The following TLE1 variants were observed in gnomAD, a reference collection of about 807,000 sequenced individuals.
TLE1 encodes the protein TLE family member 1, transcriptional corepressor.
In TLE1, 21 loss-of-function variants were observed where a neutral mutation model predicts 89.8. The observed-to-expected ratio is 0.23, with a 90% CI of 0.17 to 0.34. TLE1 has a LOEUF of 0.34. TLE1 is among the 10% of genes least tolerant of loss of function. The probability of loss-of-function intolerance (pLI) is 1.00; values close to 1 mark genes in which losing one functional copy is unlikely to be tolerated. For synonymous variants in TLE1, 447 were observed against 407.6 expected, an observed-to-expected ratio of 1.10 and a Z score of -1.16; for missense variants, 795 against 1,031.2, an observed-to-expected ratio of 0.77 and a Z score of 3.14.
chr9:81,670,140 G>A (rs978232971), intron 4 of TLE1, among the ~76,000 whole-genome samples: 2 of 152,124 alleles, frequency 1.3e-5, no homozygotes, highest in Non-Finnish European at 2.9e-5. Flanking sequence ...TGCTAGAATT[G>A]TAACAGCCAA....
intron 15 of TLE1, among the ~76,000 whole-genome samples, chr9:81,591,472 T>G (rs1295252528): frequency 2.0e-5 from 3 of 152,222 alleles, no homozygotes; most frequent in Non-Finnish European, 4.4e-5. Flanking sequence ...TCAGAAGGAT[T>G]CTTGCTAAGA....
intron 1 of TLE1, 76 bp downstream of exon 1, chr9:81,688,141 A>G: frequency 3.2e-6 from 5 of 1,572,434 alleles, no homozygotes; most frequent in Admixed American, 1.7e-5. Context: ...CTCAGAAGCC[A>G]CCAGTCTCCC....
intron 6 of TLE1, among the ~76,000 whole-genome samples, chr9:81,651,085 C>A (rs1230720524): frequency 6.6e-6 from 1 of 152,078 alleles, no homozygotes; most frequent in Non-Finnish European, 1.5e-5. Flanking sequence ...TGTCTGTGGC[C>A]GTCATTGGAC....
chr9:81,590,024 A>G (rs1244380418), intron 16 of TLE1, among the ~76,000 whole-genome samples: 1 of 152,214 alleles, frequency 6.6e-6, no homozygotes, highest in Non-Finnish European at 1.5e-5. Context: ...GGGACTTACC[A>G]AACAAGCCAC....
At chr9:81,684,456 C>T (rs1266376576) in intron 4 of TLE1, among the ~76,000 whole-genome samples, 4 of 152,102 alleles carry the variant, frequency 2.6e-5, no homozygotes, top group African/African-American at 9.7e-5. Context: ...CTAATGTACA[C>T]GATAACTTAA....
rs149577837 is a variant in TLE1 at position 81,617,985 on chromosome 9, A to G, written c.712-1286T>C. Among the ~76,000 whole-genome samples the G allele has an allele frequency of 8.5e-3, 1,297 of 152,228 alleles. 6 individuals are homozygous for G. The highest frequency in any genetic ancestry group is 0.017 in the Middle Eastern group (5 of 294). On this transcript the variant is annotated intron_variant, in intron 9 of 19. Coordinates refer to ENST00000376499, the MANE Select transcript of TLE1 (RefSeq NM_005077.5). ...GGTTGCAGTGAGCCGAGATTGTGCC[A>G]TTGCACTCCAGCCTGAGTGACAAAA...
intron 18 of TLE1, among the ~76,000 whole-genome samples, 187 bp downstream of exon 18, chr9:81,585,318 T>G (rs1438329519): frequency 1.3e-5 from 2 of 152,188 alleles, no homozygotes; most frequent in African/African-American, 4.8e-5. Context: ...CTGACTTTTC[T>G]CAAATTAGCA....
rs1396532765 is a variant in TLE1 at position 81,688,147 on chromosome 9, C to CT, written c.24+69dup. 9.5e-6 allele frequency: 15 copies of CT among 1,584,576 alleles called. No homozygotes were observed. The East Asian group carries it at 3.5e-4, about 37-fold the overall frequency. The stretch of plus-strand genomic sequence containing the variant: ...CCGCCGGGCCTCAGAAGCCACCAGT[C>CT]TCCCTACCGCCCGGGAGAAGCGCCT... On this transcript the variant is annotated intron_variant, in intron 1 of 19. Transcript: ENST00000376499.
At chr9:81,683,927 G>A (rs1018499979) in intron 4 of TLE1, among the ~76,000 whole-genome samples, 3 of 151,938 alleles carry the variant, frequency 2.0e-5, no homozygotes, top group East Asian at 1.9e-4. Context: ...AGGTCATCCC[G>A]CCACATAACC....
chr9:81,616,274 T>C, intron 10 of TLE1, 140 bp from the exon 11 acceptor site: 3 of 1,033,538 alleles, frequency 2.9e-6, no homozygotes, highest in Non-Finnish European at 2.8e-6. Flanking sequence ...AACACCATGT[T>C]ATAAATGAGC....
At chr9:81,652,103 A>G in intron 6 of TLE1, 111 bp downstream of exon 6, 1 of 1,081,114 alleles carries the variant, frequency 9.2e-7, no homozygotes, top group Non-Finnish European at 1.3e-6. Context: ...GTCAACGTTA[A>G]GATACACACA....
chr9:81,679,018 C>G (rs1833256097), intron 4 of TLE1, among the ~76,000 whole-genome samples: 2 of 152,114 alleles, frequency 1.3e-5, no homozygotes, highest in African/African-American at 2.4e-5. Flanking sequence ...CGTGGTGATG[C>G]ACGCCTGTAA....
At chr9:81,643,988 T>C (rs557644913) in intron 6 of TLE1, among the ~76,000 whole-genome samples, 48 of 152,254 alleles carry the variant, frequency 3.2e-4, no homozygotes, top group African/African-American at 4.6e-4. Flanking sequence ...CAGGTTTTGA[T>C]TGAAAAGATG....
chr9:81,613,954 C>T (rs528354851), intron 11 of TLE1, among the ~76,000 whole-genome samples: 4 of 139,280 alleles, frequency 2.9e-5, no homozygotes, highest in African/African-American at 1.1e-4. Flanking sequence ...GTCACCCAAG[C>T]TGGAGTGCAG....
chr9:81,672,338 A>ATTATTG (rs1832328688), intron 4 of TLE1, among the ~76,000 whole-genome samples: 1 of 151,524 alleles, frequency 6.6e-6, no homozygotes, highest in South Asian at 2.1e-4. Flanking sequence ...TATTATTATT[A>ATTATTG]TTATTATTAT....
intron 11 of TLE1, 118 bp downstream of exon 11, chr9:81,615,864 C>T: frequency 1.5e-6 from 2 of 1,310,018 alleles, no homozygotes; most frequent in Non-Finnish European, 2.1e-6. Context: ...CACTATTAAA[C>T]TCTTAAAAAT....
intron 8 of TLE1, among the ~76,000 whole-genome samples, chr9:81,631,818 T>C (rs1826651485): frequency 6.6e-6 from 1 of 152,226 alleles, no homozygotes; most frequent in Admixed American, 6.5e-5. Flanking sequence ...AAGATGACTA[T>C]CTCACCGGGC....
intron 14 of TLE1, among the ~76,000 whole-genome samples, chr9:81,599,257 C>G (rs1830604846): frequency 6.6e-6 from 1 of 152,144 alleles, no homozygotes; most frequent in African/African-American, 2.4e-5. Flanking sequence ...ATAACCACGG[C>G]TAGTAAGCGG....
In TLE1 at chr9:81,687,420, A is replaced by G. The variant is rs1276899181; in HGVS notation, c.39T>C (p.Ala13=). 1.2e-6 allele frequency: 2 copies of G among 1,610,498 alleles called. No individual in the cohort carries two copies. The highest frequency in any genetic ancestry group is 1.7e-6 in the Non-Finnish European group (2 of 1,178,916). The stretch of plus-strand genomic sequence containing the variant: ...TAGTGAACTTGAAGGGCTGGCCTGC[A>G]GCCTGGTGCGGCGTCTGGGGGCGAC... The part of the protein sequence containing the change: ...PQSRHPTPHQ[A]AGQPFKFTIP... Residue 13 remains alanine (A), a synonymous_variant, in exon 2 of 20, where the codon GCT becomes GCC. Coordinates refer to ENST00000376499, the MANE Select transcript of TLE1 (RefSeq NM_005077.5).
Sources: allele counts gnomAD v4.1 joint callset (sites outside exome capture counted in the v4.1 genomes callset), GRCh38; gene constraint gnomAD v4.1.1; transcripts MANE v1.5; gene names NCBI Gene and HGNC (gene_info 2026-07-23, HGNC 2026-07-21).